ACCS: variants seen among roughly 807,000 people sequenced by gnomAD.
ACCS encodes the protein 1-aminocyclopropane-1-carboxylate synthase homolog (inactive), also known as 1-aminocyclopropane-1-carboxylate synthase-like protein 1.
Under a neutral mutation model 59.8 loss-of-function variants are expected in ACCS, and 42 were observed. The observed-to-expected ratio is 0.70, with a 90% CI of 0.55 to 0.91. The LOEUF (loss-of-function observed/expected upper bound fraction) is 0.91. Among genes scored for constraint, ACCS ranks in the 40% least tolerant of loss-of-function variants. The pLI, the probability that ACCS is intolerant of heterozygous loss-of-function variation, is 0.00. For missense variants in ACCS, 602 were observed against 630.4 expected (o/e 0.95, Z 0.48); for synonymous variants, 230 against 240.3 (o/e 0.96, Z 0.40).
At position 44,073,953 on chromosome 11, in the gene ACCS, C is replaced by T. The variant is rs75331106; in HGVS notation, c.419+436C>T. ...CTAAGAGGGGAGGTGGTAAATAACA[C>T]TAATAGCTTGTGCTTATTGAACACT... On this transcript the variant is annotated intron_variant, in intron 4 of 14. Transcript: ENST00000263776. 2.4e-4 allele frequency among the ~76,000 whole-genome samples: 36 copies of T among 152,304 alleles called. 1 individual carries two copies. The East Asian group carries it at 5.0e-3, about 21-fold the overall frequency.
chr11:44,079,498 A>G (rs1458381574), intron 9 of ACCS, 33 bp from the exon 10 acceptor site: 4 of 1,576,626 alleles, frequency 2.5e-6, no homozygotes, highest in Non-Finnish European at 3.5e-6. Context: ...CCTACACACT[A>G]AGTCTCTCCT....
intron 2 of ACCS, among the ~76,000 whole-genome samples, chr11:44,068,698 G>C (rs1013611615): frequency 6.6e-6 from 1 of 152,194 alleles, no homozygotes; most frequent in Non-Finnish European, 1.5e-5. Context: ...AGTATATGAA[G>C]TTTTTAGCAC....
At chr11:44,075,632 A>G (rs1263757143) in intron 6 of ACCS, 40 bp downstream of exon 6, 10 of 1,606,520 alleles carry the variant, frequency 6.2e-6, no homozygotes, top group Non-Finnish European at 8.5e-6. Flanking sequence ...TGTGAGCCTC[A>G]TTGTGCTTGC....
At chr11:44,079,734 C>G in intron 10 of ACCS, 114 bp downstream of exon 10, 1 of 858,986 alleles carries the variant, frequency 1.2e-6, no homozygotes, top group Non-Finnish European at 1.8e-6. Context: ...CCATTTCCAC[C>G]CAGCTGGTCC....
chr11:44,080,707 G>T lies in ACCS; in HGVS notation c.924-313G>T, dbSNP rs186301032. 3.8e-5 allele frequency: 17 copies of T among 444,500 alleles called. No homozygotes were observed. In the East Asian group the frequency reaches 7.3e-4, roughly 19 times the overall value. The allele number at this position is 444,500 out of a possible 1,614,324, so 27.5% of individuals were successfully genotyped here. ...TCTGTTTAGGGTACCTGATTGGCCT[G>T]GTCCCAGGGGGAGTGGTTAGGGAAA... On this transcript the variant is annotated intron_variant, in intron 10 of 14. Coordinates refer to ENST00000263776, the MANE Select transcript of ACCS (RefSeq NM_032592.4).
intron 7 of ACCS, 176 bp downstream of exon 7, chr11:44,077,552 C>T (rs987351035): frequency 2.1e-6 from 3 of 1,446,138 alleles, no homozygotes; most frequent in Middle Eastern, 2.4e-4. Flanking sequence ...TCCAAAGTTC[C>T]AGTCTCTGAG....
intron 8 of ACCS, 189 bp from the exon 9 acceptor site, chr11:44,078,495 G>A (rs1297868894): frequency 5.8e-6 from 3 of 517,720 alleles, no homozygotes; most frequent in African/African-American, 5.7e-5. Flanking sequence ...TTTTCTCTGG[G>A]CCTTGTCCTC....
chr11:44,075,749 G>A lies in ACCS; in HGVS notation c.556+157G>A, dbSNP rs575633570. Reference sequence around the variant, plus strand: ...GAATAAGTGGCTTGACAAAGCACCCGGGGGTCAGCAGTTCCAGGGGAGGTT... The same window carrying A: ...GAATAAGTGGCTTGACAAAGCACCCAGGGGTCAGCAGTTCCAGGGGAGGTT... On this transcript the variant is annotated intron_variant, in intron 6 of 14. Coordinates refer to ENST00000263776, the MANE Select transcript of ACCS (RefSeq NM_032592.4). 5.1e-5 allele frequency: 42 copies of A among 818,592 alleles called. 1 individual carries two copies. The highest frequency in any genetic ancestry group is 4.5e-4 in the South Asian group (23 of 51,504). The allele number at this position is 818,592 out of a possible 1,614,324, so 50.7% of individuals were successfully genotyped here.
At chr11:44,078,661 C>T (rs1052704703) in intron 8 of ACCS, 23 bp from the exon 9 acceptor site, 3 of 1,611,700 alleles carry the variant, frequency 1.9e-6, no homozygotes, top group African/African-American at 1.3e-5. Flanking sequence ...CTGAGGGTCT[C>T]CTGCCCTAAC....
intron 2 of ACCS, among the ~76,000 whole-genome samples, chr11:44,069,544 C>T (rs1424721899): frequency 1.3e-5 from 2 of 152,168 alleles, no homozygotes; most frequent in African/African-American, 2.4e-5. Flanking sequence ...CACGCCACCA[C>T]GCCCAGCCTC....
At chr11:44,082,506 T>A (rs1953684930) in intron 12 of ACCS, among the ~76,000 whole-genome samples, 1 of 152,190 alleles carries the variant, frequency 6.6e-6, no homozygotes, top group Non-Finnish European at 1.5e-5. Flanking sequence ...TGAAAGCAGC[T>A]AGCCTCAAAA....
intron 2 of ACCS, among the ~76,000 whole-genome samples, chr11:44,068,797 G>A (rs1431237624): frequency 2.0e-5 from 3 of 152,204 alleles, no homozygotes; most frequent in Non-Finnish European, 4.4e-5. Flanking sequence ...TCAGAAAGCT[G>A]TTACAAATAA....
In ACCS at chr11:44,083,250, C is replaced by A. The variant is rs1227461210; in HGVS notation, c.1193C>A (p.Ala398Glu). 3 of 1,614,222 alleles carry A rather than the reference C, an allele frequency of 1.9e-6. No homozygotes were observed. The highest frequency in any genetic ancestry group is 2.5e-6 in the Non-Finnish European group (3 of 1,180,042). The change falls in exon 13 of 15, where the codon GCA becomes GAA. Residue 398 changes from alanine (A) to glutamate (E), a missense_variant. Ala to Glu is a moderately radical substitution (Grantham distance 107, BLOSUM62 -1). Transcript: ENST00000263776. ...AHTYVSEELR[A>E]LGIPFLSRGA... ...ACCTATGTCTCAGAAGAGCTTAGGG[C>A]ATTGGGGATCCCCTTCTTGAGTCGT...
At position 44,075,599 on chromosome 11, in the gene ACCS, G is replaced by A. The variant is rs769236254; in HGVS notation, c.556+7G>A. The A allele has an allele frequency of 6.2e-7, 1 of 1,613,832 alleles. No individual in the cohort carries two copies. Among genetic ancestry groups the A allele is most frequent in the African/African-American group, 1.3e-5 (1 of 75,068 alleles). ...GTGCTGTGTGAGGCCGGGGGTAAGT[G>A]AGCTCTGTGGCCTGCCCCGCACTGT... On this transcript the variant is annotated splice_region_variant and intron_variant, in intron 6 of 14. Coordinates refer to ENST00000263776, the MANE Select transcript of ACCS (RefSeq NM_032592.4).
chr11:44,076,399 A>G (rs565909971), intron 6 of ACCS, among the ~76,000 whole-genome samples: 1 of 152,262 alleles, frequency 6.6e-6, no homozygotes, highest in African/African-American at 2.4e-5. Context: ...GGTCGGTTCT[A>G]TGGTTATCTC....
intron 2 of ACCS, among the ~76,000 whole-genome samples, chr11:44,068,672 A>G (rs750416528): frequency 9.9e-5 from 15 of 152,220 alleles, no homozygotes; most frequent in Non-Finnish European, 1.9e-4. Flanking sequence ...AGAAGAGTCA[A>G]GATTAAATGA....
intron 10 of ACCS, 75 bp downstream of exon 10, chr11:44,079,695 C>T: frequency 7.2e-7 from 1 of 1,393,972 alleles, no homozygotes; most frequent in Non-Finnish European, 1.0e-6. Flanking sequence ...CTGGCTCAGC[C>T]CACAGGGCAT....
Position 44,084,004 on chromosome 11 carries a change from C to T in ACCS, c.*212C>T, listed in dbSNP as rs984951532. The T allele has an allele frequency of 8.7e-6, 9 of 1,032,834 alleles. No homozygotes were observed. The highest frequency in any genetic ancestry group is 1.2e-5 in the Non-Finnish European group (9 of 740,824). 64.0% of individuals were successfully genotyped at this position (1,032,834 alleles called of 1,614,324 possible). On this transcript the variant is annotated 3_prime_UTR_variant, in exon 15 of 15. Transcript: ENST00000263776. The stretch of plus-strand genomic sequence containing the variant: ...TGGGCCCTCCCTCTCTCCTATTAAA[C>T]AAAACTAGGAGAGTCCATATGTCTC...
At chr11:44,073,304 A>G (rs1953149725) in intron 3 of ACCS, 143 bp from the exon 4 acceptor site, 3 of 733,986 alleles carry the variant, frequency 4.1e-6, no homozygotes, top group African/African-American at 3.5e-5. Flanking sequence ...CACCTGCAAC[A>G]TGGGTATGAG....
Sources: gnomAD v4.1 joint callset for allele counts (sites outside exome capture counted in the v4.1 genomes callset) on GRCh38, gnomAD v4.1.1 for gene constraint, MANE v1.5 for transcripts, NCBI Gene and HGNC (gene_info 2026-07-23, HGNC 2026-07-21) for gene names.